Variants in THSD7B observed in about 807,000 individuals in gnomAD.
The protein encoded by THSD7B is thrombospondin type-1 domain-containing protein 7B.
In THSD7B, 138 loss-of-function variants were observed where a neutral mutation model predicts 213.6. That is an observed-to-expected ratio of 0.65 (90% CI 0.56 to 0.74). THSD7B has a LOEUF of 0.74. Among genes scored for constraint, THSD7B ranks in the 30% least tolerant of loss-of-function variants. The probability of loss-of-function intolerance (pLI) is 0.00; values close to 1 mark genes in which losing one functional copy is unlikely to be tolerated. For synonymous variants in THSD7B, 742 were observed against 687.0 expected, an observed-to-expected ratio of 1.08 and a Z score of -1.25; for missense variants, 1,931 against 1,991.5, an observed-to-expected ratio of 0.97 and a Z score of 0.58.
rs550858396 is a variant in THSD7B, at chr2:137,453,823, G to T, written c.3138+2800G>T. Reference sequence around the variant, plus strand: ...TTCTACTCAGTGTTTCTATAAACTTGATAGTTTTGGATTCCACATGTAAGT... The same window carrying T: ...TTCTACTCAGTGTTTCTATAAACTTTATAGTTTTGGATTCCACATGTAAGT... On this transcript the variant is annotated intron_variant, in intron 15 of 27. Transcript: ENST00000409968. Among the ~76,000 whole-genome samples the T allele has an allele frequency of 4.6e-5, 7 of 152,226 alleles. No homozygotes were observed. In the East Asian group the frequency reaches 1.4e-3, roughly 29 times the overall value.
intron 12 of THSD7B, among the ~76,000 whole-genome samples, chr2:137,353,642 T>C (rs946539663): frequency 1.8e-4 from 28 of 152,236 alleles, no homozygotes; most frequent in African/African-American, 6.5e-4. Flanking sequence ...TTCTTTTAAG[T>C]GTTTTGCAGT....
chr2:137,017,882 G>A (rs944467494), intron 2 of THSD7B, among the ~76,000 whole-genome samples: 4 of 151,984 alleles, frequency 2.6e-5, no homozygotes, highest in Non-Finnish European at 4.4e-5. Context: ...CAAAATTAAT[G>A]CTGTGTTTCA....
intron 3 of THSD7B, among the ~76,000 whole-genome samples, chr2:137,057,528 A>T (rs1379598708): frequency 6.6e-6 from 1 of 152,232 alleles, no homozygotes. Context: ...TAGATCTGCC[A>T]TTACAACAGT....
At chr2:137,469,336 G>A (rs1434703911) in intron 15 of THSD7B, among the ~76,000 whole-genome samples, 1 of 152,122 alleles carries the variant, frequency 6.6e-6, no homozygotes, top group African/African-American at 2.4e-5. Flanking sequence ...AGTGAAATAT[G>A]AACATTCTGA....
At chr2:137,510,449 C>T (rs1034144672) in intron 15 of THSD7B, among the ~76,000 whole-genome samples, 2 of 151,812 alleles carry the variant, frequency 1.3e-5, no homozygotes, top group African/African-American at 4.8e-5. Context: ...CATTATAAAC[C>T]CCCAAATATA....
chr2:136,976,667 T>C (rs1382707953), intron 2 of THSD7B, among the ~76,000 whole-genome samples: 2 of 151,944 alleles, frequency 1.3e-5, no homozygotes, highest in African/African-American at 4.8e-5. Context: ...GGAGTCTCGC[T>C]CTGTCGCTCA....
chr2:137,271,909 A>G (rs1682747880), intron 10 of THSD7B, among the ~76,000 whole-genome samples: 2 of 152,082 alleles, frequency 1.3e-5, no homozygotes, highest in Non-Finnish European at 2.9e-5. Context: ...TTGTTTTTTA[A>G]TTGATGTTCC....
chr2:137,252,279 A>AC (rs1035330544), intron 10 of THSD7B, among the ~76,000 whole-genome samples: 4 of 149,184 alleles, frequency 2.7e-5, no homozygotes, highest in African/African-American at 5.1e-5. Context: ...AAAAAAAAAA[A>AC]AAAAAAAAAA....
intron 12 of THSD7B, among the ~76,000 whole-genome samples, chr2:137,291,044 A>G (rs1683324868): frequency 6.6e-6 from 1 of 152,080 alleles, no homozygotes; most frequent in Non-Finnish European, 1.5e-5. Flanking sequence ...TTTCTATTCA[A>G]AGTCCTTATT....
chr2:136,882,306 T>C lies in THSD7B; in HGVS notation c.128T>C (p.Ile43Thr). ...HLEGKKDNQF[I>T]WKPGPWGRCT... The stretch of plus-strand genomic sequence containing the variant: ...GAAGGCAAAAAGGATAATCAGTTCA[T>C]CTGGAAACCAGGTAGGAATGTCCTG... The change falls in exon 2 of 28, where the codon ATC (isoleucine) becomes ACC (threonine). Residue 43 changes from isoleucine (I) to threonine (T), a missense_variant. Physicochemically the swap from Ile to Thr is moderately conservative, Grantham distance 89. Coordinates refer to ENST00000409968, the MANE Select transcript of THSD7B (RefSeq NM_001316349.2). 2 of 1,533,794 alleles carry C rather than the reference T, an allele frequency of 1.3e-6. No individual in the cohort carries two copies. Among genetic ancestry groups the C allele is most frequent in the Non-Finnish European group, 1.8e-6 (2 of 1,140,320 alleles).
intron 17 of THSD7B, among the ~76,000 whole-genome samples, chr2:137,592,168 AT>A (rs1362206866): frequency 1.3e-5 from 2 of 151,676 alleles, no homozygotes; most frequent in Non-Finnish European, 3.0e-5. Context: ...TTTTATTTTT[AT>A]TAAAAAACTT....
intron 2 of THSD7B, among the ~76,000 whole-genome samples, chr2:136,885,560 G>A (rs942179930): frequency 1.4e-4 from 22 of 152,138 alleles, no homozygotes; most frequent in Admixed American, 1.3e-3. Flanking sequence ...AAGGGACAAT[G>A]TTGTTTGCGG....
At chr2:137,222,821 A>G (rs999528427) in intron 7 of THSD7B, among the ~76,000 whole-genome samples, 1 of 152,164 alleles carries the variant, frequency 6.6e-6, no homozygotes, top group East Asian at 1.9e-4. Flanking sequence ...AAAGGACTGG[A>G]GTGTAGAGTG....
At chr2:137,569,075 G>A (rs970617537) in intron 16 of THSD7B, among the ~76,000 whole-genome samples, 1 of 152,200 alleles carries the variant, frequency 6.6e-6, no homozygotes, top group Non-Finnish European at 1.5e-5. Context: ...AGGTAAGAAA[G>A]GGTGGAAGAT....
chr2:137,281,359 A>G (rs1025102077), intron 12 of THSD7B, among the ~76,000 whole-genome samples: 3 of 151,462 alleles, frequency 2.0e-5, no homozygotes, highest in Non-Finnish European at 4.4e-5. Context: ...AGTTTTATTT[A>G]TTTATTTATT....
chr2:137,385,467 G>A (rs11894612), intron 12 of THSD7B, among the ~76,000 whole-genome samples: 4 of 152,172 alleles, frequency 2.6e-5, no homozygotes, highest in African/African-American at 9.6e-5. Context: ...CCCCCACTCA[G>A]TCCCCTGTCT....
intron 1 of THSD7B, among the ~76,000 whole-genome samples, chr2:136,775,726 A>T (rs942363594): frequency 1.3e-5 from 2 of 152,124 alleles, no homozygotes; most frequent in Non-Finnish European, 2.9e-5. Context: ...GAGCAAAAGG[A>T]ATCAGCTAAA....
chr2:137,238,744 G>A (rs574336361), intron 9 of THSD7B, among the ~76,000 whole-genome samples: 1 of 148,748 alleles, frequency 6.7e-6, no homozygotes, highest in Admixed American at 6.7e-5. Flanking sequence ...TAGTAGAGAC[G>A]GGGTTTCACC....
At chr2:137,199,063 G>C (rs1442092014) in intron 7 of THSD7B, among the ~76,000 whole-genome samples, 1 of 152,162 alleles carries the variant, frequency 6.6e-6, no homozygotes, top group Non-Finnish European at 1.5e-5. Context: ...GGCACTCCTA[G>C]TGTAGTCTTT....
Sources: allele counts gnomAD v4.1 joint callset (sites outside exome capture counted in the v4.1 genomes callset), GRCh38; gene constraint gnomAD v4.1.1; transcripts MANE v1.5; gene names NCBI Gene and HGNC (gene_info 2026-07-23, HGNC 2026-07-21).